TBC1D31: variants seen among roughly 807,000 people sequenced by gnomAD.
The protein encoded by TBC1D31 is WD repeat domain 67.
In TBC1D31, 99 loss-of-function variants were observed where a neutral mutation model predicts 132.9. That is an observed-to-expected ratio of 0.74 (90% CI 0.63 to 0.88). The LOEUF (loss-of-function observed/expected upper bound fraction) is 0.88, where lower values mean the gene tolerates loss of function less well. TBC1D31 is among the 40% of genes least tolerant of loss of function. The probability of loss-of-function intolerance (pLI) is 0.00; values close to 1 mark genes in which losing one functional copy is unlikely to be tolerated. For synonymous variants in TBC1D31, 385 were observed against 419.4 expected (o/e 0.92, Z 1.00); for missense variants, 1,134 against 1,256.6 (o/e 0.90, Z 1.48).
intron 11 of TBC1D31, 117 bp downstream of exon 11, chr8:123,120,305 A>C (rs1819347873): frequency 1.3e-6 from 1 of 794,882 alleles, no homozygotes; most frequent in East Asian, 2.8e-5. Context: ...TAAGTCACGA[A>C]AGTGTGAAAC....
chr8:123,147,351 T>C (rs1025528558), intron 20 of TBC1D31, among the ~76,000 whole-genome samples: 1 of 152,104 alleles, frequency 6.6e-6, no homozygotes, highest in African/African-American at 2.4e-5. Flanking sequence ...TTTTGTATTT[T>C]TAGTAGAGAC....
intron 19 of TBC1D31, among the ~76,000 whole-genome samples, chr8:123,143,751 C>A (rs937271719): frequency 1.3e-5 from 2 of 152,142 alleles, no homozygotes; most frequent in Admixed American, 1.3e-4. Flanking sequence ...GGGTAATATC[C>A]AGAACCCTGA....
At chr8:123,080,974 G>A (rs1815093243) in intron 2 of TBC1D31, among the ~76,000 whole-genome samples, 1 of 152,148 alleles carries the variant, frequency 6.6e-6, no homozygotes, top group Admixed American at 6.6e-5. Flanking sequence ...CAGCAGAGCT[G>A]GGACTTAAAA....
intron 5 of TBC1D31, among the ~76,000 whole-genome samples, chr8:123,095,670 C>G (rs1030921657): frequency 6.6e-6 from 1 of 152,162 alleles, no homozygotes; most frequent in African/African-American, 2.4e-5. Flanking sequence ...CTTTGGCATC[C>G]TTTTACTACA....
chr8:123,088,148 C>G (rs376379726), intron 4 of TBC1D31, among the ~76,000 whole-genome samples: 174 of 150,766 alleles, frequency 1.2e-3, no homozygotes, highest in African/African-American at 3.5e-3. Flanking sequence ...GAAATTGCAC[C>G]ATTGCACTCC....
intron 1 of TBC1D31, chr8:123,073,460 C>T (rs185213470): frequency 1.8e-5 from 8 of 454,620 alleles, no homozygotes; most frequent in African/African-American, 1.6e-4. Context: ...GTTCATTATG[C>T]ATTGCTGGGG....
intron 8 of TBC1D31, among the ~76,000 whole-genome samples, chr8:123,108,751 G>T (rs1818176046): frequency 2.6e-5 from 4 of 152,140 alleles, no homozygotes; most frequent in Admixed American, 2.6e-4. Context: ...AATTTATAAA[G>T]AAAGGAGGAT....
At chr8:123,162,511 G>A in the TBC1D31 span, among the ~76,000 whole-genome samples, 1 of 152,136 alleles carries the variant, frequency 6.6e-6, no homozygotes, top group African/African-American at 2.4e-5. Context: ...GAGAGCTAAA[G>A]GAGGGAGCCA....
At chr8:123,157,324 G>C in the TBC1D31 span, among the ~76,000 whole-genome samples, 9 of 152,226 alleles carry the variant, frequency 5.9e-5, no homozygotes, top group Admixed American at 5.2e-4. Flanking sequence ...GTTTCCGGAC[G>C]GATCATTCTG....
At chr8:123,120,949 C>T (rs11781124) in intron 11 of TBC1D31, among the ~76,000 whole-genome samples, 63,004 of 149,922 alleles carry the variant, frequency 0.42, 14,314 homozygotes, top group African/African-American at 0.59. Context: ...TTAGATTGTT[C>T]CTAATTTTAA....
At chr8:123,089,741 T>A (rs185209341) in intron 4 of TBC1D31, among the ~76,000 whole-genome samples, 1 of 152,376 alleles carries the variant, frequency 6.6e-6, no homozygotes, top group African/African-American at 2.4e-5. Flanking sequence ...CTGTTATTTA[T>A]TTTTTAGTTA....
intron 6 of TBC1D31, among the ~76,000 whole-genome samples, chr8:123,098,031 C>T (rs939593872): frequency 1.3e-5 from 2 of 151,936 alleles, no homozygotes; most frequent in Middle Eastern, 3.2e-3. Context: ...AATAGACTGT[C>T]GTGGATCTTG....
At chr8:123,150,268 C>A in intron 21 of TBC1D31, 140 bp downstream of exon 21, 1 of 650,134 alleles carries the variant, frequency 1.5e-6, no homozygotes, top group Non-Finnish European at 2.7e-6. Context: ...AAAAGGGAGG[C>A]AGCAAGATTC....
chr8:123,114,317 TTTGTTGTTGTTG>T (rs149336241), intron 10 of TBC1D31, among the ~76,000 whole-genome samples: 1 of 151,400 alleles, frequency 6.6e-6, no homozygotes, highest in Non-Finnish European at 1.5e-5. Context: ...TTGTTTGTTT[TTTGTTGTTGTTG>T]TTGTTGTTGA....
rs1219769253 is a variant in TBC1D31 at position 123,115,764 on chromosome 8, G to A, written c.1437-4291G>A. Among the ~76,000 whole-genome samples the A allele has an allele frequency of 5.3e-5, 8 of 152,148 alleles. No individual in the cohort carries two copies. The South Asian group carries it at 8.3e-4, about 16-fold the overall frequency. The stretch of plus-strand genomic sequence containing the variant: ...CCTCTCTAACCATTCCTCTGTAGTC[G>A]TATCTCCCTCTGACCGCAACCAGGA... On this transcript the variant is annotated intron_variant, in intron 10 of 21. Transcript: ENST00000287380.
At chr8:123,097,221 C>G (rs145926757) in intron 5 of TBC1D31, 61 bp from the exon 6 acceptor site, 2 of 1,569,518 alleles carry the variant, frequency 1.3e-6, no homozygotes, top group African/African-American at 1.4e-5. Flanking sequence ...AAAGTTCTGT[C>G]GGACAGTGCT....
intron 20 of TBC1D31, among the ~76,000 whole-genome samples, chr8:123,147,826 T>C (rs992796977): frequency 1.3e-5 from 2 of 152,066 alleles, no homozygotes; most frequent in Non-Finnish European, 2.9e-5. Context: ...TCACCTACCA[T>C]TAAGAAAATG....
chr8:123,114,317 T>TTTGTTGTTGTTG (rs149336241), intron 10 of TBC1D31, among the ~76,000 whole-genome samples: 7 of 151,400 alleles, frequency 4.6e-5, no homozygotes, highest in South Asian at 2.1e-4. Flanking sequence ...TTGTTTGTTT[T>TTTGTTGTTGTTG]TTGTTGTTGT....
chr8:123,145,892 CAG>C (rs981999048), intron 20 of TBC1D31, among the ~76,000 whole-genome samples: 1 of 130,710 alleles, frequency 7.7e-6, no homozygotes, highest in African/African-American at 3.0e-5. Context: ...TTTTTTGAGA[CAG>C]AGTTTCGCTC....
Sources: allele counts gnomAD v4.1 joint callset (sites outside exome capture counted in the v4.1 genomes callset), GRCh38; gene constraint gnomAD v4.1.1; transcripts MANE v1.5; gene names NCBI Gene and HGNC (gene_info 2026-07-23, HGNC 2026-07-21).